The following DSG1 variants were observed in gnomAD, a reference collection of about 807,000 sequenced individuals.
DSG1 encodes the protein desmoglein 1.
DSG1 carries 39 observed loss-of-function variants against 97.5 expected under a neutral mutation model. That is an observed-to-expected ratio of 0.40 (90% CI 0.31 to 0.52). The LOEUF (loss-of-function observed/expected upper bound fraction) is 0.52, where lower values mean the gene tolerates loss of function less well. Among genes scored for constraint, DSG1 ranks in the 20% least tolerant of loss-of-function variants. The pLI, the probability that DSG1 is intolerant of heterozygous loss-of-function variation, is 0.53. For synonymous variants in DSG1, 475 were observed against 443.4 expected, an observed-to-expected ratio of 1.07 and a Z score of -0.90; for missense variants, 1,311 against 1,295.4, an observed-to-expected ratio of 1.01 and a Z score of -0.18.
chr18:31,341,206 T>A (rs1453113359), intron 11 of DSG1, among the ~76,000 whole-genome samples: 3 of 152,236 alleles, frequency 2.0e-5, no homozygotes, highest in African/African-American at 4.8e-5. Flanking sequence ...GGTTGCAGTC[T>A]GCACATTACA....
chr18:31,338,497 G>A, intron 10 of DSG1, 43 bp downstream of exon 10: 7 of 1,590,874 alleles, frequency 4.4e-6, no homozygotes, highest in Non-Finnish European at 6.0e-6. Context: ...AGAGAAAGCT[G>A]TATATACCTT....
chr18:31,338,378 T>G lies in DSG1; in HGVS notation c.1329T>G (p.Thr443=), dbSNP rs2071768132. ...LAVDSRTGKL[T]LKNKVTKEQY... ...TTGATTCAAGAACAGGCAAACTCAC[T>G]TTGAAAAATAAAGTTACCAAGGAAC... Residue 443 remains threonine (T), a synonymous_variant, in exon 10 of 15, where the codon ACT becomes ACG. Coordinates refer to ENST00000257192, the MANE Select transcript of DSG1 (RefSeq NM_001942.4). The G allele has an allele frequency of 6.2e-7, 1 of 1,613,696 alleles. No homozygotes were observed. Among genetic ancestry groups the G allele is most frequent in the African/African-American group, 1.3e-5 (1 of 74,918 alleles).
chr18:31,332,006 T>C (rs2071724269), intron 6 of DSG1, 139 bp downstream of exon 6: 1 of 773,852 alleles, frequency 1.3e-6, no homozygotes, highest in Non-Finnish European at 2.0e-6. Flanking sequence ...TTCTTTCATG[T>C]AAGAAATATT....
intron 6 of DSG1, among the ~76,000 whole-genome samples, 180 bp from the exon 7 acceptor site, chr18:31,333,409 C>T (rs1044423223): frequency 6.6e-6 from 1 of 151,972 alleles, no homozygotes; most frequent in Non-Finnish European, 1.5e-5. Flanking sequence ...TTAAATAATG[C>T]GTGATAAGTA....
At chr18:31,332,566 C>T (rs1329165044) in intron 6 of DSG1, among the ~76,000 whole-genome samples, 7 of 150,752 alleles carry the variant, frequency 4.6e-5, no homozygotes, top group Admixed American at 4.6e-4. Context: ...AGTGCTTTTT[C>T]ATTATTTAAA....
intron 9 of DSG1, among the ~76,000 whole-genome samples, chr18:31,337,181 A>T (rs1488946246): frequency 1.3e-5 from 2 of 152,176 alleles, no homozygotes; most frequent in Non-Finnish European, 2.9e-5. Context: ...TGCACATGTG[A>T]CTGTGACAAG....
intron 14 of DSG1, among the ~76,000 whole-genome samples, chr18:31,349,345 A>G (rs1351069978): frequency 6.8e-6 from 1 of 147,490 alleles, no homozygotes; most frequent in Non-Finnish European, 1.5e-5. Context: ...TGGTACCAGT[A>G]CCATGCTGTT....
rs1427090987 is a variant in DSG1, at chr18:31,357,926, G to A, written c.*2580G>A. Among the ~76,000 whole-genome samples, 3 of 151,956 alleles carry A rather than the reference G, an allele frequency of 2.0e-5. No individual in the cohort carries two copies. Among genetic ancestry groups the A allele is most frequent in the South Asian group, 2.1e-4 (1 of 4,812 alleles). ...AAAATTCCCTTTTCAAGACATCAACGATTTTAGTAGTTATTTAAAGGCATG... is the reference window on the plus strand; with the variant it reads ...AAAATTCCCTTTTCAAGACATCAACAATTTTAGTAGTTATTTAAAGGCATG... On this transcript the variant is annotated 3_prime_UTR_variant, in exon 15 of 15. Coordinates refer to ENST00000257192, the MANE Select transcript of DSG1 (RefSeq NM_001942.4).
Position 31,346,152 on chromosome 18 carries a change from G to A in DSG1, c.2054G>A (p.Arg685Lys), listed in dbSNP as rs1184107802. 6.2e-7 allele frequency: 1 copy of A among 1,613,780 alleles called. No individual in the cohort carries two copies. ...AGAAGAAATTCTATGAGGGAATGTAGAGAAGGAGGTCTGAATATGAATTTC... is the reference window on the plus strand; with the variant it reads ...AGAAGAAATTCTATGAGGGAATGTAAAGAAGGAGGTCTGAATATGAATTTC... ...TLRRNSMREC[R>K]EGGLNMNFME... Residue 685 changes from arginine (R) to lysine (K), a missense_variant, in exon 14 of 15, where the codon AGA (arginine) becomes AAA (lysine). By Grantham distance (26) the Arg-to-Lys change is conservative. Transcript: ENST00000257192.
rs747052043 is a variant in DSG1, at chr18:31,329,936, G to T, written c.417G>T (p.Arg139Ser). The T allele has an allele frequency of 6.2e-7, 1 of 1,613,194 alleles. No individual in the cohort carries two copies. Among genetic ancestry groups the T allele is most frequent in the Non-Finnish European group, 8.5e-7 (1 of 1,179,352 alleles). The stretch of plus-strand genomic sequence containing the variant: ...ACTCAATGGGCCAAGATTTAGAGAG[G>T]CCTCTAGAGCTCAGAGTCAGGGTTT... Reference protein sequence around the residue: ...ALNSMGQDLERPLELRVRVLD... With the variant: ...ALNSMGQDLESPLELRVRVLD... Residue 139 changes from arginine to serine, a missense_variant, in exon 5 of 15, where the codon AGG (arginine) becomes AGT (serine). Transcript: ENST00000257192.
chr18:31,333,711 G>T lies in DSG1; in HGVS notation c.807G>T (p.Met269Ile). 6.2e-7 allele frequency: 1 copy of T among 1,613,532 alleles called. No individual in the cohort carries two copies. Among genetic ancestry groups the T allele is most frequent in the Non-Finnish European group, 8.5e-7 (1 of 1,179,612 alleles). Residue 269 changes from methionine to isoleucine, a missense_variant, in exon 7 of 15, where the codon ATG (methionine) becomes ATT (isoleucine). Coordinates refer to ENST00000257192, the MANE Select transcript of DSG1 (RefSeq NM_001942.4). ...ATGTCAATGATAATATCCCTTACATGGAACAGTCTTCAGTAAGTATTTGTT... is the reference window on the plus strand; with the variant it reads ...ATGTCAATGATAATATCCCTTACATTGAACAGTCTTCAGTAAGTATTTGTT... ...ILDVNDNIPY[M>I]EQSSYTIEIQ...
Position 31,336,625 on chromosome 18 carries a change from A to AT in DSG1, c.1265+16dup. The AT allele has an allele frequency of 6.2e-7, 1 of 1,613,842 alleles. No homozygotes were observed. The highest frequency in any genetic ancestry group is 8.5e-7 in the Non-Finnish European group (1 of 1,179,852). On this transcript the variant is annotated intron_variant, in intron 9 of 14. Coordinates refer to ENST00000257192, the MANE Select transcript of DSG1 (RefSeq NM_001942.4). ...TCAACGACTGTTAGGTAAGAATGAG[A>AT]TTTTCAACTAATTTTCCTTACATAT...
intron 11 of DSG1, among the ~76,000 whole-genome samples, chr18:31,340,933 T>C (rs574467462): frequency 2.6e-5 from 4 of 152,246 alleles, no homozygotes; most frequent in African/African-American, 4.8e-5. Context: ...CTAACCTTTC[T>C]GAGCCTTGCT....
rs570913314 is a variant in DSG1 at position 31,356,280 on chromosome 18, G to A, written c.*934G>A. On this transcript the variant is annotated 3_prime_UTR_variant, in exon 15 of 15. Transcript: ENST00000257192. ...AGTAAGCAGATGGGAACTGAATTGT[G>A]TTTTCAGGTTTTGTTTTTAGTAGGT... 1.3e-5 allele frequency: 2 copies of A among 152,104 alleles called. No homozygotes were observed. Among genetic ancestry groups the A allele is most frequent in the East Asian group, 3.9e-4 (2 of 5,180 alleles). The allele number at this position is 152,104 out of a possible 1,614,324, so 9.4% of individuals were successfully genotyped here.
In DSG1 at chr18:31,358,647, C is replaced by A. The variant is rs1004580623; in HGVS notation, c.*3301C>A. ...TTTAACTTTTGCTGGAGTTGAAAGG[C>A]ATTATAATCTTTAGCATAAATGGCC... is the stretch of plus-strand genomic sequence containing the variant. On this transcript the variant is annotated 3_prime_UTR_variant, in exon 15 of 15. Coordinates refer to ENST00000257192, the MANE Select transcript of DSG1 (RefSeq NM_001942.4). 6.6e-6 allele frequency among the ~76,000 whole-genome samples: 1 copy of A among 151,992 alleles called. No homozygotes were observed. Among genetic ancestry groups the A allele is most frequent in the Non-Finnish European group, 1.5e-5 (1 of 67,938 alleles).
At chr18:31,331,950 A>T (rs1438681718) in intron 6 of DSG1, 83 bp downstream of exon 6, 1 of 1,352,334 alleles carries the variant, frequency 7.4e-7, no homozygotes, top group East Asian at 2.3e-5. Context: ...AAAGAGATGA[A>T]GAAAATGATG....
At position 31,338,421 on chromosome 18, in the gene DSG1, G is replaced by A. The variant is rs149735588; in HGVS notation, c.1372G>A (p.Gly458Arg). ...VTKEQYNMLGGKYQGTILSID... is the reference protein window; with the variant it reads ...VTKEQYNMLGRKYQGTILSID... ...CAAGGAACAGTACAATATGCTCGGA[G>A]GAAAATACCAAGGAACGATTCTCTC... The change falls in exon 10 of 15, where the codon GGA becomes AGA. Residue 458 changes from glycine (G) to arginine (R), a missense_variant. By Grantham distance (125) the Gly-to-Arg change is moderately radical. Transcript: ENST00000257192. 1.9e-6 allele frequency: 3 copies of A among 1,613,524 alleles called. No homozygotes were observed. The highest frequency in any genetic ancestry group is 2.5e-6 in the Non-Finnish European group (3 of 1,179,678).
chr18:31,334,743 T>C (rs2071741532), intron 8 of DSG1, among the ~76,000 whole-genome samples: 1 of 152,168 alleles, frequency 6.6e-6, no homozygotes. Flanking sequence ...AACACAGATA[T>C]ACTGGAAATT....
intron 6 of DSG1, among the ~76,000 whole-genome samples, chr18:31,333,134 G>A (rs933697787): frequency 3.3e-5 from 5 of 152,122 alleles, no homozygotes; most frequent in African/African-American, 7.2e-5. Flanking sequence ...ATTGAATAGA[G>A]TCAAGAATAG....
Sources: allele counts gnomAD v4.1 joint callset (sites outside exome capture counted in the v4.1 genomes callset), GRCh38; gene constraint gnomAD v4.1.1; transcripts MANE v1.5; gene names NCBI Gene and HGNC (gene_info 2026-07-23, HGNC 2026-07-21).